DLC1: variants seen among roughly 807,000 people sequenced by gnomAD.
The protein encoded by DLC1 is DLC1 Rho GTPase activating protein.
DLC1 carries 54 observed loss-of-function variants against 140.3 expected under a neutral mutation model. That is an observed-to-expected ratio of 0.38 (90% CI 0.31 to 0.48). The LOEUF (loss-of-function observed/expected upper bound fraction) is 0.48. DLC1 is among the 20% of genes least tolerant of loss of function. The pLI, the probability that DLC1 is intolerant of heterozygous loss-of-function variation, is 0.96. For missense variants in DLC1, 2,536 were observed against 1,907.0 expected (o/e 1.33, Z -6.14); for synonymous variants, 986 against 728.1 (o/e 1.35, Z -5.70).
intron 5 of DLC1, among the ~76,000 whole-genome samples, chr8:13,270,690 G>C (rs1563213674): frequency 6.6e-6 from 1 of 152,160 alleles, no homozygotes; most frequent in Non-Finnish European, 1.5e-5. Flanking sequence ...TCTCTCCAGA[G>C]ATACAGAAAT....
chr8:13,521,637 A>G (rs1286407082), intron 1 of DLC1, among the ~76,000 whole-genome samples: 1 of 152,132 alleles, frequency 6.6e-6, no homozygotes. Flanking sequence ...CATTCTAACT[A>G]GTTCCTCATC....
chr8:13,366,629 A>G (rs1217978321), intron 4 of DLC1, among the ~76,000 whole-genome samples: 1 of 152,156 alleles, frequency 6.6e-6, no homozygotes, highest in Non-Finnish European at 1.5e-5. Context: ...AAATTTAGAA[A>G]TCTGCTTGGT....
At chr8:13,583,837 C>T (rs1412818525) in intron 1 of DLC1, 1 of 152,272 alleles carries the variant, frequency 6.6e-6, no homozygotes, top group Non-Finnish European at 1.5e-5. Flanking sequence ...TTGGCTTTTT[C>T]AGTACAGGCT....
chr8:13,514,410 A>G (rs1802512560), intron 1 of DLC1, among the ~76,000 whole-genome samples, 192 bp downstream of exon 1: 1 of 152,348 alleles, frequency 6.6e-6, no homozygotes, highest in Non-Finnish European at 1.5e-5. Context: ...AGCCTGTTTT[A>G]GAACTGACAG....
chr8:13,374,970 G>C (rs1302959193), intron 4 of DLC1, among the ~76,000 whole-genome samples: 1 of 151,490 alleles, frequency 6.6e-6, no homozygotes, highest in Non-Finnish European at 1.5e-5. Context: ...GTGAATGGGA[G>C]TTCACTCATG....
chr8:13,501,023 A>G (rs778151229), intron 1 of DLC1, among the ~76,000 whole-genome samples: 7 of 152,208 alleles, frequency 4.6e-5, no homozygotes, highest in Non-Finnish European at 1.0e-4. Flanking sequence ...CCATGGAATT[A>G]TGAGATTCTA....
rs148147823 is a variant in DLC1, at chr8:13,470,185, T to C, written c.1023+28864A>G. On this transcript the variant is annotated intron_variant, in intron 2 of 17. Coordinates refer to ENST00000276297, the MANE Select transcript of DLC1 (RefSeq NM_182643.3). ...AAAGGAAGAAAGCATATTTGTCTTA[T>C]CTGACTACATAAGTTAAAAGTACTT... Among the ~76,000 whole-genome samples, 362 of 152,352 alleles carry C rather than the reference T, an allele frequency of 2.4e-3. 2 individuals are homozygous for C. Among genetic ancestry groups the C allele is most frequent in the African/African-American group, 8.3e-3 (344 of 41,584 alleles).
upstream of DLC1, among the ~76,000 whole-genome samples, chr8:13,519,508 A>G (rs1374446600): frequency 2.6e-5 from 4 of 152,340 alleles, no homozygotes; most frequent in South Asian, 8.3e-4. Context: ...TTTATATTCA[A>G]TAAGCATCAT....
At chr8:13,143,212 G>T (rs1823144084) in intron 5 of DLC1, among the ~76,000 whole-genome samples, 2 of 152,074 alleles carry the variant, frequency 1.3e-5, no homozygotes, top group African/African-American at 2.4e-5. Context: ...AAAAACAAAA[G>T]CACTGACCAT....
chr8:13,573,911 G>T (rs1444973671), intron 1 of DLC1, among the ~76,000 whole-genome samples: 1 of 152,068 alleles, frequency 6.6e-6, no homozygotes, highest in Non-Finnish European at 1.5e-5. Flanking sequence ...TCTCTTACTT[G>T]TGAGCAACGC....
intron 5 of DLC1, among the ~76,000 whole-genome samples, chr8:13,230,312 A>T (rs373682320): frequency 6.6e-6 from 1 of 152,238 alleles, no homozygotes; most frequent in East Asian, 1.9e-4. Context: ...AGAGTCCAGA[A>T]CATCTTGTAA....
chr8:13,183,862 A>T (rs563504817), intron 5 of DLC1, among the ~76,000 whole-genome samples: 53 of 152,142 alleles, frequency 3.5e-4, no homozygotes, highest in Middle Eastern at 6.8e-3. Flanking sequence ...CCTCTTTTCT[A>T]TCGATTGGAA....
intron 5 of DLC1, among the ~76,000 whole-genome samples, chr8:13,242,393 GTT>G (rs201680944): frequency 4.8e-5 from 7 of 146,120 alleles, no homozygotes; most frequent in African/African-American, 1.0e-4. Context: ...CTCCCCATCA[GTT>G]TTTTTTTTTT....
chr8:13,150,604 G>A (rs1039297339), intron 5 of DLC1, among the ~76,000 whole-genome samples: 3 of 152,176 alleles, frequency 2.0e-5, no homozygotes, highest in African/African-American at 7.2e-5. Flanking sequence ...TATTAGTGGG[G>A]ACTTCCTCCT....
In DLC1 at chr8:13,529,109, A is replaced by G. The variant is rs565650314; in HGVS notation, c.-125-28913T>C. ...AACATACGATGTATAAGCGAACAGA[A>G]TAAGTGAATTAGAGGAAATGTTTTT... On this transcript the variant is annotated intron_variant, in intron 1 of 1. Transcript: ENST00000631382. Among the ~76,000 whole-genome samples the G allele has an allele frequency of 5.3e-5, 8 of 152,354 alleles. 1 individual carries two copies. Among genetic ancestry groups the G allele is most frequent in the African/African-American group, 1.7e-4 (7 of 41,596 alleles).
At chr8:13,422,737 A>T (rs1278785788) in intron 2 of DLC1, among the ~76,000 whole-genome samples, 1 of 152,130 alleles carries the variant, frequency 6.6e-6, no homozygotes, top group Non-Finnish European at 1.5e-5. Flanking sequence ...ACAAGAGATA[A>T]ATAAATCCTC....
chr8:13,492,311 C>G (rs1204463925), intron 2 of DLC1, among the ~76,000 whole-genome samples: 2 of 151,980 alleles, frequency 1.3e-5, no homozygotes, highest in Admixed American at 1.3e-4. Context: ...AGTTCATGTT[C>G]CCTGTCTCTT....
intron 5 of DLC1, among the ~76,000 whole-genome samples, chr8:13,181,263 C>T (rs1038171507): frequency 1.8e-4 from 28 of 152,016 alleles, no homozygotes; most frequent in African/African-American, 6.5e-4. Flanking sequence ...TGGCTGCTGC[C>T]TCAGCCTTCA....
At chr8:13,266,975 C>T (rs1830713914) in intron 5 of DLC1, among the ~76,000 whole-genome samples, 1 of 152,192 alleles carries the variant, frequency 6.6e-6, no homozygotes, top group South Asian at 2.1e-4. Context: ...AGTTGGTCTT[C>T]CTCATCTTCA....
Sources: gnomAD v4.1 joint callset for allele counts (sites outside exome capture counted in the v4.1 genomes callset) on GRCh38, gnomAD v4.1.1 for gene constraint, MANE v1.5 for transcripts, NCBI Gene and HGNC (gene_info 2026-07-23, HGNC 2026-07-21) for gene names.